The following EIF3H variants were observed in gnomAD, a reference collection of about 807,000 sequenced individuals.
EIF3H encodes eIF-3-gamma.
EIF3H carries 26 observed loss-of-function variants against 44.2 expected under a neutral mutation model. The observed-to-expected ratio is 0.59, with a 90% confidence interval of 0.43 to 0.82. The LOEUF is 0.82. Among genes scored for constraint, EIF3H ranks in the 40% least tolerant of loss-of-function variants. The pLI is 0.00. For synonymous variants in EIF3H, 166 were observed against 151.9 expected, an observed-to-expected ratio of 1.09 and a Z score of -0.68; for missense variants, 359 against 432.8, an observed-to-expected ratio of 0.83 and a Z score of 1.51.
upstream of EIF3H, chr8:116,756,111 T>C: frequency 9.1e-7 from 1 of 1,094,158 alleles, no homozygotes; most frequent in Non-Finnish European, 1.3e-6. Context: ...TTCTGTAGTG[T>C]CTCTTATGTA....
At chr8:116,676,388 T>G (rs1316883012) in intron 2 of EIF3H, among the ~76,000 whole-genome samples, 1 of 152,120 alleles carries the variant, frequency 6.6e-6, no homozygotes, top group African/African-American at 2.4e-5. Context: ...CTTACAATCA[T>G]GGAGGAAGGC....
At chr8:116,737,238 T>C (rs1287251019) in intron 1 of EIF3H, 1 of 447,264 alleles carries the variant, frequency 2.2e-6, no homozygotes, top group Non-Finnish European at 4.4e-6. Context: ...TCTACGAACC[T>C]CTTAAAATCA....
At chr8:116,709,024 TA>T (rs1205082178) in intron 2 of EIF3H, among the ~76,000 whole-genome samples, 4 of 151,608 alleles carry the variant, frequency 2.6e-5, no homozygotes, top group Non-Finnish European at 5.9e-5. Context: ...TTTTTTGCAA[TA>T]AAAGAAATTA....
At chr8:116,754,177 A>C (rs944906832) in intron 1 of EIF3H, among the ~76,000 whole-genome samples, 1 of 151,784 alleles carries the variant, frequency 6.6e-6, no homozygotes, top group African/African-American at 2.4e-5. Flanking sequence ...GCAGTGGCAC[A>C]ATCTCGGCTC....
intron 1 of EIF3H, among the ~76,000 whole-genome samples, chr8:116,743,798 A>ATATATATATATATAT (rs1491232249): frequency 4.0e-4 from 32 of 79,662 alleles, no homozygotes; most frequent in East Asian, 1.6e-3. Context: ...ATATATATAT[A>ATATATATATATATAT]AACACACACA....
At chr8:116,736,232 A>T (rs1201327809) in intron 1 of EIF3H, among the ~76,000 whole-genome samples, 1 of 152,232 alleles carries the variant, frequency 6.6e-6, no homozygotes, top group Non-Finnish European at 1.5e-5. Flanking sequence ...GGCCAAGGTG[A>T]GAAGGCAAAT....
intron 1 of EIF3H, among the ~76,000 whole-genome samples, chr8:116,741,578 T>C (rs1427643250): frequency 1.3e-5 from 2 of 152,236 alleles, no homozygotes; most frequent in East Asian, 1.9e-4. Flanking sequence ...CACTGCCTAG[T>C]TGAAGAAGAG....
intron 1 of EIF3H, among the ~76,000 whole-genome samples, chr8:116,736,075 G>A (rs1485329070): frequency 6.6e-6 from 1 of 152,154 alleles, no homozygotes; most frequent in Non-Finnish European, 1.5e-5. Flanking sequence ...AATACCAATA[G>A]ACAAAACAAG....
intron 2 of EIF3H, among the ~76,000 whole-genome samples, chr8:116,721,006 G>C (rs1210283664): frequency 6.6e-6 from 1 of 152,046 alleles, no homozygotes; most frequent in Non-Finnish European, 1.5e-5. Flanking sequence ...AATTCAAGCA[G>C]AAATTTGCAT....
chr8:116,735,357 T>G (rs1815016650), intron 1 of EIF3H, among the ~76,000 whole-genome samples: 1 of 152,180 alleles, frequency 6.6e-6, no homozygotes, highest in South Asian at 2.1e-4. Flanking sequence ...AAACAGTAAC[T>G]ACAGTATCTT....
chr8:116,703,345 G>T, intron 2 of EIF3H, among the ~76,000 whole-genome samples: 1 of 142,774 alleles, frequency 7.0e-6, no homozygotes, highest in Non-Finnish European at 1.5e-5. Context: ...TTACTTAGCA[G>T]ACCGGGAAAG....
At chr8:116,731,382 C>T (rs1478022630) in intron 1 of EIF3H, among the ~76,000 whole-genome samples, 1 of 152,126 alleles carries the variant, frequency 6.6e-6, no homozygotes, top group Non-Finnish European at 1.5e-5. Context: ...GTTTTTAGTT[C>T]TCCAACTTAC....
intron 2 of EIF3H, among the ~76,000 whole-genome samples, chr8:116,723,628 G>A (rs917010918): frequency 2.0e-5 from 3 of 152,166 alleles, no homozygotes; most frequent in African/African-American, 7.2e-5. Flanking sequence ...GTACTATGAA[G>A]GTGTGTAAGT....
chr8:116,677,212 T>C (rs1813864187), intron 2 of EIF3H, among the ~76,000 whole-genome samples: 1 of 152,200 alleles, frequency 6.6e-6, no homozygotes, highest in Non-Finnish European at 1.5e-5. Flanking sequence ...AAATACTCTG[T>C]GCAAAAATAA....
At chr8:116,701,952 C>T (rs1814382847) in intron 2 of EIF3H, among the ~76,000 whole-genome samples, 1 of 152,120 alleles carries the variant, frequency 6.6e-6, no homozygotes, top group South Asian at 2.1e-4. Flanking sequence ...TGACAAATAT[C>T]ATGGTTACAT....
intron 2 of EIF3H, among the ~76,000 whole-genome samples, chr8:116,696,829 C>T (rs1162969538): frequency 2.6e-5 from 4 of 152,028 alleles, no homozygotes; most frequent in Non-Finnish European, 5.9e-5. Flanking sequence ...TGATAAAGTA[C>T]AAGTTTGACT....
intron 2 of EIF3H, among the ~76,000 whole-genome samples, chr8:116,669,968 A>G (rs1342336847): frequency 6.6e-6 from 1 of 152,180 alleles, no homozygotes; most frequent in Non-Finnish European, 1.5e-5. Flanking sequence ...AGCTAAGAAA[A>G]ATGATCAAGC....
chr8:116,702,761 T>C (rs6989691), intron 2 of EIF3H, among the ~76,000 whole-genome samples: 2 of 152,094 alleles, frequency 1.3e-5, no homozygotes, highest in African/African-American at 4.8e-5. Flanking sequence ...CAAAATCAAG[T>C]ACGAATAACA....
chr8:116,668,372 C>A (rs1813701452), intron 2 of EIF3H, among the ~76,000 whole-genome samples: 1 of 152,150 alleles, frequency 6.6e-6, no homozygotes, highest in African/African-American at 2.4e-5. Flanking sequence ...TGAGATCATA[C>A]AAGGTTTTTG....
Sources: gnomAD v4.1 joint callset for allele counts (sites outside exome capture counted in the v4.1 genomes callset) on GRCh38, gnomAD v4.1.1 for gene constraint, MANE v1.5 for transcripts, NCBI Gene and HGNC (gene_info 2026-07-23, HGNC 2026-07-21) for gene names.